Variants in BPI observed in about 807,000 individuals in gnomAD.
BPI encodes bactericidal permeability increasing protein.
BPI carries 48 observed loss-of-function variants against 57.6 expected under a neutral mutation model. The observed-to-expected ratio is 0.83, with a 90% confidence interval of 0.66 to 1.06. The LOEUF (loss-of-function observed/expected upper bound fraction) is 1.06. Ranked by LOEUF, BPI falls within the 50% of genes least tolerant of loss-of-function variation. BPI has a pLI of 0.00. For synonymous variants in BPI, 237 were observed against 238.2 expected (o/e 0.99, Z 0.05); for missense variants, 651 against 609.7 (o/e 1.07, Z -0.71).
chr20:38,331,532 A>G (rs1362776879), intron 12 of BPI, among the ~76,000 whole-genome samples: 1 of 152,164 alleles, frequency 6.6e-6, no homozygotes, highest in Non-Finnish European at 1.5e-5. Context: ...CTTACATGGC[A>G]GTGGGAAGAC....
chr20:38,314,300 G>A (rs117292924), intron 5 of BPI, among the ~76,000 whole-genome samples: 6 of 132,468 alleles, frequency 4.5e-5, no homozygotes, highest in Admixed American at 1.5e-4. Flanking sequence ...TGATGATAAT[G>A]ATGATGGTGA....
chr20:38,334,050 G>A (rs1253046347), intron 12 of BPI, among the ~76,000 whole-genome samples: 4 of 152,088 alleles, frequency 2.6e-5, no homozygotes, highest in East Asian at 1.9e-4. Flanking sequence ...CCAAATAGCC[G>A]TCAAAGAGGT....
At chr20:38,334,622 A>T (rs2076758171) in intron 13 of BPI, 129 bp downstream of exon 13, 2 of 890,014 alleles carry the variant, frequency 2.2e-6, no homozygotes, top group Non-Finnish European at 3.7e-6. Context: ...GTGAACTTCA[A>T]ATGGCATCTG....
intron 5 of BPI, among the ~76,000 whole-genome samples, chr20:38,312,408 G>A (rs6064376): frequency 0.56 from 85,077 of 152,160 alleles, 24,356 homozygotes; most frequent in African/African-American, 0.64. Context: ...TACAAGAGAC[G>A]GGTATCAGCC....
At chr20:38,309,999 A>G (rs947788259) in intron 3 of BPI, among the ~76,000 whole-genome samples, 1 of 152,194 alleles carries the variant, frequency 6.6e-6, no homozygotes, top group Non-Finnish European at 1.5e-5. Flanking sequence ...TAATGATCAC[A>G]CACAAAAACA....
At chr20:38,320,125 C>A in intron 6 of BPI, 58 bp from the exon 7 acceptor site, 1 of 1,397,708 alleles carries the variant, frequency 7.2e-7, no homozygotes, top group Non-Finnish European at 1.0e-6. Flanking sequence ...TCCTGCATTT[C>A]AGCTTCCAGC....
chr20:38,320,068 A>C lies in BPI; in HGVS notation c.665-115A>C, dbSNP rs2076673472. The C allele has an allele frequency of 1.0e-5, 9 of 867,170 alleles. No individual in the cohort carries two copies. The South Asian group carries it at 1.4e-4, about 13-fold the overall frequency. The allele number at this position is 867,170 out of a possible 1,614,324, so 53.7% of individuals were successfully genotyped here. ...AGGAGAGCTCCCTGGAGAAGGTGGG[A>C]ATGAAACTTGCACTGCAGCTCTTGA... On this transcript the variant is annotated intron_variant, in intron 6 of 14. Transcript: ENST00000642449.
At position 38,304,983 on chromosome 20, in the gene BPI, G is replaced by T. The variant is rs116114102; in HGVS notation, c.130+630G>T. 2.0e-5 allele frequency among the ~76,000 whole-genome samples: 3 copies of T among 152,234 alleles called. No homozygotes were observed. The East Asian group carries it at 5.8e-4, about 29-fold the overall frequency. On this transcript the variant is annotated intron_variant, in intron 1 of 14. Transcript: ENST00000642449. Reference sequence around the variant, plus strand: ...AAACTGCTGCTATCCACATTTACACGTGAGAAGTGGGCAGCCTGGATTTGA... The same window carrying T: ...AAACTGCTGCTATCCACATTTACACTTGAGAAGTGGGCAGCCTGGATTTGA...
intron 8 of BPI, 55 bp from the exon 9 acceptor site, chr20:38,324,719 T>G: frequency 9.0e-6 from 13 of 1,448,080 alleles, no homozygotes; most frequent in Non-Finnish European, 1.2e-5. Context: ...ACTCACCCCC[T>G]CTGCTCCGTC....
chr20:38,315,526 T>C (rs2076647834), intron 5 of BPI, among the ~76,000 whole-genome samples: 1 of 152,174 alleles, frequency 6.6e-6, no homozygotes, highest in Admixed American at 6.5e-5. Flanking sequence ...CCCTGATGGG[T>C]GAGCAACACT....
At chr20:38,333,078 C>T (rs1170492433) in intron 12 of BPI, among the ~76,000 whole-genome samples, 1 of 152,102 alleles carries the variant, frequency 6.6e-6, no homozygotes, top group Non-Finnish European at 1.5e-5. Flanking sequence ...GTCATACCGT[C>T]CCAGTGTCCC....
At chr20:38,329,462 G>T (rs778009172) in intron 11 of BPI, among the ~76,000 whole-genome samples, 2 of 152,208 alleles carry the variant, frequency 1.3e-5, no homozygotes, top group Non-Finnish European at 2.9e-5. Context: ...CTTCAGAAAC[G>T]TATAGATTTA....
chr20:38,331,650 C>T (rs898321380), intron 12 of BPI, among the ~76,000 whole-genome samples: 61 of 151,996 alleles, frequency 4.0e-4, no homozygotes, highest in Admixed American at 3.9e-3. Flanking sequence ...TCAAGACCAG[C>T]CTGGGCAACA....
At chr20:38,304,386 C>A (rs762519835) in intron 1 of BPI, 33 bp downstream of exon 1, 1 of 1,606,768 alleles carries the variant, frequency 6.2e-7, no homozygotes, top group East Asian at 2.2e-5. Flanking sequence ...TCCTCTCCAC[C>A]CCTGAGGAGC....
chr20:38,310,653 G>T lies in BPI; in HGVS notation c.536+1G>T. On this transcript the variant is annotated splice_donor_variant, in intron 4 of 14. Transcript: ENST00000642449. LOFTEE classifies it high-confidence loss of function. ...TGCACATCTCAAAGAGCAAAGTGGGGTATGGACTCCCGGGACTGTGGCTGG... is the reference window on the plus strand; with the variant it reads ...TGCACATCTCAAAGAGCAAAGTGGGTTATGGACTCCCGGGACTGTGGCTGG... The T allele has an allele frequency of 1.9e-6, 3 of 1,610,522 alleles. No individual in the cohort carries two copies. Among genetic ancestry groups the T allele is most frequent in the Non-Finnish European group, 2.5e-6 (3 of 1,177,134 alleles).
chr20:38,304,914 A>G (rs2076590004), intron 1 of BPI, among the ~76,000 whole-genome samples: 1 of 152,112 alleles, frequency 6.6e-6, no homozygotes, highest in Non-Finnish European at 1.5e-5. Flanking sequence ...TAGGAACTTT[A>G]CACACACAGT....
chr20:38,308,879 T>C, intron 2 of BPI, 51 bp from the exon 3 acceptor site: 1 of 1,609,402 alleles, frequency 6.2e-7, no homozygotes. Flanking sequence ...TCCTCATGTG[T>C]GCACCTAGGA....
intron 5 of BPI, among the ~76,000 whole-genome samples, chr20:38,315,254 CCT>C (rs752193569): frequency 4.6e-4 from 70 of 152,230 alleles, no homozygotes; most frequent in Non-Finnish European, 8.1e-4. Context: ...CAGAGATGAG[CCT>C]CTCTCTTAAC....
At chr20:38,319,621 C>T (rs1170855118) in intron 6 of BPI, among the ~76,000 whole-genome samples, 1 of 152,222 alleles carries the variant, frequency 6.6e-6, no homozygotes, top group Non-Finnish European at 1.5e-5. Context: ...GGTTTCTTCC[C>T]TGCTAACTGA....
Sources: gnomAD v4.1 joint callset for allele counts (sites outside exome capture counted in the v4.1 genomes callset) on GRCh38, gnomAD v4.1.1 for gene constraint, MANE v1.5 for transcripts, NCBI Gene and HGNC (gene_info 2026-07-23, HGNC 2026-07-21) for gene names.